PIK3R2: variants seen among roughly 807,000 people sequenced by gnomAD.
PIK3R2 encodes phosphatidylinositol 3-kinase regulatory subunit beta.
A neutral mutation model predicts 78.5 loss-of-function variants in PIK3R2; 40 were observed. The ratio of observed to expected loss-of-function variants is 0.51; its 90% CI spans 0.40 to 0.66. PIK3R2 has a LOEUF of 0.66. Among genes scored for constraint, PIK3R2 ranks in the 30% least tolerant of loss-of-function variants. The pLI, the probability that PIK3R2 is intolerant of heterozygous loss-of-function variation, is 0.00. For synonymous variants in PIK3R2, 473 were observed against 457.7 expected (o/e 1.03, Z -0.43); for missense variants, 880 against 1,026.6 (o/e 0.86, Z 1.95).
At chr19:18,154,931 A>G (rs1307000148) in intron 1 of PIK3R2, among the ~76,000 whole-genome samples, 1 of 150,996 alleles carries the variant, frequency 6.6e-6, no homozygotes, top group African/African-American at 2.4e-5. Context: ...AAAAAAAAAA[A>G]GGCTGGGCAA....
rs1279824134 is a variant in PIK3R2 at position 18,166,271 on chromosome 19, C to T, written c.1528C>T (p.Arg510Trp). ...KCSKEYLERFRREGNEKEMQR... is the reference protein window; with the variant it reads ...KCSKEYLERFWREGNEKEMQR... ...CAGCAAGGAATACCTGGAGCGCTTCCGGCGTGAGGGCAACGAGAAAGAGAT... is the reference window on the plus strand; with the variant it reads ...CAGCAAGGAATACCTGGAGCGCTTCTGGCGTGAGGGCAACGAGAAAGAGAT... The change falls in exon 12 of 16, where the codon CGG becomes TGG. Residue 510 changes from arginine to tryptophan, a missense_variant. Physicochemically the swap from Arg to Trp is moderately radical, Grantham distance 101. This residue lies in a region of PIK3R2 where 156 missense variants were observed against 241.0 expected (regional missense o/e 0.65). Coordinates refer to ENST00000222254, the MANE Select transcript of PIK3R2 (RefSeq NM_005027.4). 9.3e-6 allele frequency: 15 copies of T among 1,614,102 alleles called. No individual in the cohort carries two copies. The highest frequency in any genetic ancestry group is 2.2e-5 in the East Asian group (1 of 44,882).
At position 18,161,220 on chromosome 19, in the gene PIK3R2, GC is replaced by G; in HGVS notation, c.598+36del. ...GCGGGTAGCCCGGGGGAAGGAGGGGGCTGTAGCGGGTGGGAGGGCCCAGGCC... is the reference window on the plus strand; with the variant it reads ...GCGGGTAGCCCGGGGGAAGGAGGGGGTGTAGCGGGTGGGAGGGCCCAGGCC... On this transcript the variant is annotated intron_variant, in intron 5 of 15. Transcript: ENST00000222254. The surrounding 1 kb of genome is among the most constrained non-coding windows in gnomAD (Gnocchi z 5.3). 6 of 1,526,836 alleles carry G rather than the reference GC, an allele frequency of 3.9e-6. No homozygotes were observed. Among genetic ancestry groups the G allele is most frequent in the Non-Finnish European group, 5.3e-6 (6 of 1,138,900 alleles). 94.6% of individuals were successfully genotyped at this position (1,526,836 alleles called of 1,614,324 possible). A position where few individuals can be genotyped will look rare whatever the true frequency, so the allele number is the denominator to read the frequency against.
chr19:18,163,375 C>T lies in PIK3R2; in HGVS notation c.1403C>T (p.Thr468Ile). The change falls in exon 11 of 16, where the codon ACA becomes ATA. Residue 468 changes from threonine (T) to isoleucine (I), a missense_variant. Physicochemically the swap from Thr to Ile is moderately conservative, Grantham distance 89. Around this residue, in one of 3 missense-constraint regions of PIK3R2, gnomAD observed 156 missense variants for 241.0 expected, o/e 0.65. Coordinates refer to ENST00000222254, the MANE Select transcript of PIK3R2 (RefSeq NM_005027.4). ...REYDQLYEEY[T>I]RTSQELQMKR... is the part of the protein sequence containing the mutation. ...TATGACCAGCTTTATGAAGAGTACA[C>T]ACGGACCTCCCAGGTACTCCAGGCC... is the stretch of plus-strand genomic sequence containing the variant. 1.2e-6 allele frequency: 2 copies of T among 1,614,030 alleles called. No homozygotes were observed. The highest frequency in any genetic ancestry group is 1.7e-6 in the Non-Finnish European group (2 of 1,179,976).
rs372002637 is a variant in PIK3R2 at position 18,162,249 on chromosome 19, G to A, written c.949G>A (p.Ala317Thr). ...GGCAAAGCCGGCCTCCACAGTCCTGGCCAATGGAGGGAGCCCACCCTCCCT... is the reference window on the plus strand; with the variant it reads ...GGCAAAGCCGGCCTCCACAGTCCTGACCAATGGAGGGAGCCCACCCTCCCT... ...PKAKPASTVLANGGSPPSLQD... is the reference protein window; with the variant it reads ...PKAKPASTVLTNGGSPPSLQD... Residue 317 changes from alanine to threonine, a missense_variant, in exon 8 of 16, where the codon GCC becomes ACC. By Grantham distance (58) the Ala-to-Thr change is moderately conservative. Coordinates refer to ENST00000222254, the MANE Select transcript of PIK3R2 (RefSeq NM_005027.4). 14 of 1,610,652 alleles carry A rather than the reference G, an allele frequency of 8.7e-6. No individual in the cohort carries two copies. The African/African-American group carries it at 1.1e-4, about 12-fold the overall frequency.
chr19:18,158,623 A>C (rs2043706075), intron 2 of PIK3R2, among the ~76,000 whole-genome samples: 1 of 151,962 alleles, frequency 6.6e-6, no homozygotes, highest in Non-Finnish European at 1.5e-5. Context: ...CAAAGCAAGA[A>C]CCTGTCTCAA....
rs2043683969 is a variant in PIK3R2 at position 18,156,926 on chromosome 19, G to A, written c.322+725G>A. Among the ~76,000 whole-genome samples, 1 of 152,190 alleles carries A rather than the reference G, an allele frequency of 6.6e-6. No individual in the cohort carries two copies. The highest frequency in any genetic ancestry group is 1.9e-4 in the East Asian group (1 of 5,188). On this transcript the variant is annotated intron_variant, in intron 2 of 15. Coordinates refer to ENST00000222254, the MANE Select transcript of PIK3R2 (RefSeq NM_005027.4). This position sits in a 1 kb window ranked among gnomAD's most constrained non-coding sequence, Gnocchi z 4.2. ...GTGGGCTCTGGCCGGGGAAACTGTGGCCCAGGTTGCAAGGAGGAGGCTAAG... is the reference window on the plus strand; with the variant it reads ...GTGGGCTCTGGCCGGGGAAACTGTGACCCAGGTTGCAAGGAGGAGGCTAAG...
At chr19:18,166,057 C>T in intron 11 of PIK3R2, 103 bp from the exon 12 acceptor site, 1 of 1,417,304 alleles carries the variant, frequency 7.1e-7, no homozygotes, top group Non-Finnish European at 1.0e-6. Context: ...GATAGAGGGA[C>T]CAGCTTGAGC....
intron 10 of PIK3R2, 48 bp from the exon 11 acceptor site, chr19:18,163,214 AG>A (rs759530384): frequency 1.2e-6 from 2 of 1,614,030 alleles, no homozygotes; most frequent in Non-Finnish European, 1.7e-6. Flanking sequence ...TTTCCTAGGT[AG>A]ACCCGACCAG....
intron 2 of PIK3R2, among the ~76,000 whole-genome samples, chr19:18,159,144 C>CTTTTTTTTTTTTT (rs57543686): frequency 0.015 from 749 of 49,992 alleles, 160 homozygotes; most frequent in African/African-American, 0.041. Flanking sequence ...GCCTGGCCTC[C>CTTTTTTTTTTTTT]TTTTTTTTTT....
intron 11 of PIK3R2, among the ~76,000 whole-genome samples, chr19:18,165,827 A>G (rs1276134416): frequency 6.6e-6 from 1 of 152,216 alleles, no homozygotes; most frequent in Non-Finnish European, 1.5e-5. Flanking sequence ...GGAAGGGTCC[A>G]TGGGACAAAG....
At position 18,160,361 on chromosome 19, in the gene PIK3R2, A is replaced by C. The variant is rs1191828045; in HGVS notation, c.323-110A>C. Reference sequence around the variant, plus strand: ...AGTCAAGGTGCCAAGCACTTGCCTGAGCTGGGCCCTGCCTCAAACTGCCCC... The same window carrying C: ...AGTCAAGGTGCCAAGCACTTGCCTGCGCTGGGCCCTGCCTCAAACTGCCCC... On this transcript the variant is annotated intron_variant, in intron 2 of 15. Coordinates refer to ENST00000222254, the MANE Select transcript of PIK3R2 (RefSeq NM_005027.4). The C allele has an allele frequency of 2.5e-5, 18 of 722,414 alleles. No individual in the cohort carries two copies. In the Admixed American group the frequency reaches 3.7e-4, roughly 15 times the overall value. The allele number at this position is 722,414 out of a possible 1,614,324, so 44.8% of individuals were successfully genotyped here. A position where few individuals can be genotyped will look rare whatever the true frequency, so the allele number is the denominator to read the frequency against.
rs2043745604 is a variant in PIK3R2, at chr19:18,161,471, C to T, written c.791C>T (p.Pro264Leu). Residue 264 changes from proline to leucine, a missense_variant, in exon 6 of 16, where the codon CCG becomes CTG. Physicochemically the swap from Pro to Leu is moderately conservative, Grantham distance 98. Transcript: ENST00000222254. This position sits in a 1 kb window ranked among gnomAD's most constrained non-coding sequence, Gnocchi z 5.3. ...LLRAPPPPSSPPPGGAPDGSE... is the reference protein window; with the variant it reads ...LLRAPPPPSSLPPGGAPDGSE... The stretch of plus-strand genomic sequence containing the variant: ...CGCGCGCCGCCGCCGCCGTCCTCGC[C>T]GCCGCCAGGGGGCGCTCCCGACGGG... 2 of 1,194,118 alleles carry T rather than the reference C, an allele frequency of 1.7e-6. No individual in the cohort carries two copies. Among genetic ancestry groups the T allele is most frequent in the Non-Finnish European group, 2.1e-6 (2 of 963,000 alleles). The allele number at this position is 1,194,118 out of a possible 1,614,324, so 74.0% of individuals were successfully genotyped here.
rs2043681355 is a variant in PIK3R2 at position 18,156,545 on chromosome 19, G to A, written c.322+344G>A. On this transcript the variant is annotated intron_variant, in intron 2 of 15. Coordinates refer to ENST00000222254, the MANE Select transcript of PIK3R2 (RefSeq NM_005027.4). This position sits in a 1 kb window ranked among gnomAD's most constrained non-coding sequence, Gnocchi z 4.2. ...TAATGGCGGGAACGGCCAGCAGGAG[G>A]ACCAGAGGGAGGAAGGGGAGGGCAA... Among the ~76,000 whole-genome samples the A allele has an allele frequency of 6.6e-6, 1 of 152,180 alleles. No homozygotes were observed. Among genetic ancestry groups the A allele is most frequent in the African/African-American group, 2.4e-5 (1 of 41,446 alleles).
At chr19:18,165,058 T>C (rs1015157143) in intron 11 of PIK3R2, among the ~76,000 whole-genome samples, 1 of 150,534 alleles carries the variant, frequency 6.6e-6, no homozygotes, top group African/African-American at 2.4e-5. Flanking sequence ...TGAAACCCCA[T>C]CTCTACCAAA....
In PIK3R2 at chr19:18,167,232, A is replaced by C. The variant is rs1442163490; in HGVS notation, c.1662A>C (p.Arg554Ser). ...TGCGGGCCCAGGCCTCGGACAACAG[A>C]GAGATCGACAAGCGCATGAACAGCC... Reference protein sequence around the residue: ...QQLRAQASDNREIDKRMNSLK... With the variant: ...QQLRAQASDNSEIDKRMNSLK... Residue 554 changes from arginine to serine, a missense_variant, in exon 13 of 16, where the codon AGA becomes AGC. By Grantham distance (110) the Arg-to-Ser change is moderately radical (BLOSUM62 -1). Transcript: ENST00000222254. The surrounding 1 kb of genome is among the most constrained non-coding windows in gnomAD (Gnocchi z 4.5). The C allele has an allele frequency of 6.2e-7, 1 of 1,613,046 alleles. No individual in the cohort carries two copies.
intron 15 of PIK3R2, 72 bp from the exon 16 acceptor site, chr19:18,169,015 C>T (rs757655614): frequency 7.0e-5 from 110 of 1,560,790 alleles, no homozygotes; most frequent in Non-Finnish European, 8.9e-5. Context: ...CAGGGGAGCA[C>T]GCGGCCCTGG....
Position 18,162,044 on chromosome 19 carries a change from GC to G in PIK3R2, c.899del (p.Pro300GlnfsTer41), listed in dbSNP as rs2147951550. 1 of 1,613,568 alleles carries G rather than the reference GC, an allele frequency of 6.2e-7. No homozygotes were observed. The highest frequency in any genetic ancestry group is 1.1e-5 in the South Asian group (1 of 91,080). ...QEHLEEQEVA[P>X]PALPPKPPKA... is the part of the protein sequence containing the mutation. ...AACACTTGGAAGAGCAGGAGGTTGC[GC>G]CCCCAGGTGAGTCCCCTGTATTGCT... On this transcript the variant is annotated frameshift_variant, in exon 7 of 16. Transcript: ENST00000222254. LOFTEE classifies it high-confidence loss of function.
In PIK3R2 at chr19:18,156,007, T is replaced by C. The variant is rs2147944920; in HGVS notation, c.128T>C (p.Val43Ala). The C allele has an allele frequency of 3.2e-6, 5 of 1,557,682 alleles. No homozygotes were observed. In the South Asian group the frequency reaches 5.9e-5, roughly 18 times the overall value. Reference protein sequence around the residue: ...VSRAALQALGVAEGGERCPQS... With the variant: ...VSRAALQALGAAEGGERCPQS... The stretch of plus-strand genomic sequence containing the variant: ...CGGGCGGCCTTGCAGGCGCTGGGCG[T>C]GGCCGAGGGTGGCGAGCGCTGCCCA... Residue 43 changes from valine to alanine, a missense_variant, in exon 2 of 16, where the codon GTG becomes GCG. Val to Ala is a moderately conservative substitution (Grantham distance 64). Coordinates refer to ENST00000222254, the MANE Select transcript of PIK3R2 (RefSeq NM_005027.4). This position sits in a 1 kb window ranked among gnomAD's most constrained non-coding sequence, Gnocchi z 4.2.
intron 1 of PIK3R2, among the ~76,000 whole-genome samples, chr19:18,153,961 C>T (rs554070718): frequency 2.0e-5 from 3 of 152,290 alleles, no homozygotes; most frequent in African/African-American, 7.2e-5. Context: ...GGCGCCCCTC[C>T]GCCCTGCTCG....
Sources: allele counts gnomAD v4.1 joint callset (sites outside exome capture counted in the v4.1 genomes callset), GRCh38; gene constraint gnomAD v4.1.1; regional missense constraint gnomAD v4.1.1; non-coding constraint Gnocchi (gnomAD v3.1); transcripts MANE v1.5; gene names NCBI Gene and HGNC (gene_info 2026-07-23, HGNC 2026-07-21).